UPP2: variants seen among roughly 807,000 people sequenced by gnomAD.
UPP2 encodes the protein UPase 2.
Under a neutral mutation model 26.7 loss-of-function variants are expected in UPP2, and 23 were observed. That is an observed-to-expected ratio of 0.86 (90% CI 0.62 to 1.22). The LOEUF (loss-of-function observed/expected upper bound fraction) is 1.22, where lower values mean the gene tolerates loss of function less well. UPP2 is among the 50% of genes most tolerant of loss of function. The pLI is 0.00. For synonymous variants in UPP2, 127 were observed against 141.3 expected (o/e 0.90, Z 0.72); for missense variants, 387 against 396.7 (o/e 0.98, Z 0.21).
chr2:158,054,091 T>C (rs1248548445), intron 3 of UPP2, among the ~76,000 whole-genome samples: 2 of 152,104 alleles, frequency 1.3e-5, no homozygotes, highest in Non-Finnish European at 2.9e-5. Context: ...CCCAACATGA[T>C]GAAACCCCGT....
At chr2:158,055,658 C>G (rs1682235539) in intron 3 of UPP2, among the ~76,000 whole-genome samples, 1 of 152,128 alleles carries the variant, frequency 6.6e-6, no homozygotes, top group Non-Finnish European at 1.5e-5. Flanking sequence ...GGGTATTTAA[C>G]AGGCTGTGCA....
intron 2 of UPP2, among the ~76,000 whole-genome samples, chr2:158,114,567 G>T (rs1038621808): frequency 1.3e-5 from 2 of 152,196 alleles, no homozygotes; most frequent in African/African-American, 4.8e-5. Context: ...TGTTCCATGA[G>T]AATTTCTTCT....
At chr2:158,107,780 T>TGG (rs1683226908) in intron 2 of UPP2, among the ~76,000 whole-genome samples, 1 of 152,030 alleles carries the variant, frequency 6.6e-6, no homozygotes, top group Non-Finnish European at 1.5e-5. Flanking sequence ...AGGGCATGGG[T>TGG]GGGTGTCCTG....
At position 158,135,102 on chromosome 2, in the gene UPP2, C is replaced by T. The variant is rs1683906438; in HGVS notation, c.*212C>T. On this transcript the variant is annotated 3_prime_UTR_variant, in exon 7 of 7. Coordinates refer to ENST00000005756, the MANE Select transcript of UPP2 (RefSeq NM_173355.4). ...CAAATTTCATTTTAGAATAAGTTAA[C>T]TAAATCAGTCTAATAATTAAAATTT... 1 of 510,072 alleles carries T rather than the reference C, an allele frequency of 2.0e-6. No individual in the cohort carries two copies. Among genetic ancestry groups the T allele is most frequent in the Non-Finnish European group, 3.1e-6 (1 of 321,674 alleles). The allele number at this position is 510,072 out of a possible 1,614,324, so 31.6% of individuals were successfully genotyped here.
chr2:158,001,957 C>CAAAAAAAAAA (rs200818827), intron 2 of UPP2, among the ~76,000 whole-genome samples: 4 of 65,478 alleles, frequency 6.1e-5, no homozygotes, highest in East Asian at 4.7e-4. Context: ...GAATGAGCAC[C>CAAAAAAAAAA]AAAAAAAAAA....
intron 2 of UPP2, among the ~76,000 whole-genome samples, chr2:158,007,457 AG>A (rs143739916): frequency 0.024 from 3,684 of 152,198 alleles, 137 homozygotes; most frequent in African/African-American, 0.084. Context: ...CCCACTTCTC[AG>A]GTGCCCTGAG....
At position 158,058,373 on chromosome 2, in the gene UPP2, G is replaced by GCTCTCTCT. The variant is rs869246675; in HGVS notation, c.147+42517_147+42524dup. ...AGGGAGCAAGGGAGCATGCTTGTAT[G>GCTCTCTCT]CTCTCTCTCTCTCTCTCTCTCTCTC... On this transcript the variant is annotated intron_variant, in intron 3 of 9. Transcript: ENST00000605860. Among the ~76,000 whole-genome samples the GCTCTCTCT allele has an allele frequency of 1.3e-4, 5 of 37,598 alleles. No individual in the cohort carries two copies. The East Asian group carries it at 1.3e-3, about 10-fold the overall frequency. 24.7% of individuals were successfully genotyped at this position (37,598 alleles called of 152,430 possible).
Position 158,036,141 on chromosome 2 carries a change from T to G in UPP2, c.147+20255T>G, listed in dbSNP as rs1191182544. Among the ~76,000 whole-genome samples, 6 of 152,234 alleles carry G rather than the reference T, an allele frequency of 3.9e-5. No individual in the cohort carries two copies. The East Asian group carries it at 1.2e-3, about 29-fold the overall frequency. On this transcript the variant is annotated intron_variant, in intron 3 of 9. Transcript: ENST00000605860. ...AATACTCAACTTTACTTCTTTAATC[T>G]GTAAAATTAGATACATTATCATTAG...
At chr2:158,032,233 A>G (rs1683931890) in intron 3 of UPP2, among the ~76,000 whole-genome samples, 1 of 152,200 alleles carries the variant, frequency 6.6e-6, no homozygotes, top group Non-Finnish European at 1.5e-5. Context: ...TAAAACTTAT[A>G]GCTATTCAAT....
At chr2:158,011,627 T>C (rs536783123) in intron 2 of UPP2, among the ~76,000 whole-genome samples, 1 of 149,364 alleles carries the variant, frequency 6.7e-6, no homozygotes, top group South Asian at 2.2e-4. Flanking sequence ...GGATGTAGGG[T>C]CATGTGAAAA....
At chr2:158,067,370 C>CAAAA (rs113444405) in intron 3 of UPP2, among the ~76,000 whole-genome samples, 1 of 108,800 alleles carries the variant, frequency 9.2e-6, no homozygotes, top group Non-Finnish European at 2.1e-5. Context: ...CATTTATCAT[C>CAAAA]AAAAAAAAAA....
intron 3 of UPP2, among the ~76,000 whole-genome samples, chr2:158,081,940 G>A (rs937490610): frequency 6.6e-6 from 1 of 151,418 alleles, no homozygotes; most frequent in Non-Finnish European, 1.5e-5. Context: ...GGTGGTGTTT[G>A]GTTACATGAA....
intron 3 of UPP2, among the ~76,000 whole-genome samples, chr2:158,016,371 G>A (rs370314722): frequency 3.3e-5 from 5 of 151,028 alleles, no homozygotes; most frequent in Admixed American, 1.3e-4. Context: ...ACAGAATTTC[G>A]CTCATGTTGC....
intron 3 of UPP2, among the ~76,000 whole-genome samples, chr2:158,075,727 T>G (rs966964772): frequency 1.3e-5 from 2 of 151,272 alleles, no homozygotes; most frequent in African/African-American, 4.9e-5. Flanking sequence ...AGCACTTACA[T>G]CAGAAAAGAA....
At chr2:158,029,945 A>G (rs1281296637) in intron 3 of UPP2, among the ~76,000 whole-genome samples, 2 of 152,218 alleles carry the variant, frequency 1.3e-5, no homozygotes, top group Admixed American at 1.3e-4. Flanking sequence ...TTTCGTAATT[A>G]TTCCTTAGGG....
chr2:158,037,557 A>T (rs908936607), intron 3 of UPP2, among the ~76,000 whole-genome samples: 3 of 152,010 alleles, frequency 2.0e-5, no homozygotes, highest in African/African-American at 7.2e-5. Context: ...CCTCCGAGGG[A>T]GAGTCTGTTC....
upstream of UPP2, among the ~76,000 whole-genome samples, chr2:158,097,427 T>C (rs1683005807): frequency 6.6e-6 from 1 of 152,066 alleles, no homozygotes; most frequent in South Asian, 2.1e-4. Flanking sequence ...TGGTAAAAAA[T>C]AAATTTCGTC....
At chr2:158,030,597 G>A (rs1305493283) in intron 3 of UPP2, among the ~76,000 whole-genome samples, 1 of 152,196 alleles carries the variant, frequency 6.6e-6, no homozygotes, top group Admixed American at 6.5e-5. Flanking sequence ...ACAGGGTAGG[G>A]CATTGAGACT....
At chr2:158,076,542 C>T (rs1252407400) in intron 3 of UPP2, among the ~76,000 whole-genome samples, 1 of 152,002 alleles carries the variant, frequency 6.6e-6, no homozygotes, top group Non-Finnish European at 1.5e-5. Context: ...ATGTGTACAT[C>T]ATATCAACAG....
Sources: allele counts gnomAD v4.1 joint callset (sites outside exome capture counted in the v4.1 genomes callset), GRCh38; gene constraint gnomAD v4.1.1; transcripts MANE v1.5; gene names NCBI Gene and HGNC (gene_info 2026-07-23, HGNC 2026-07-21).